The following ACAP1 variants were observed in gnomAD, a reference collection of about 807,000 sequenced individuals.
ACAP1 encodes the protein arf-GAP with coiled-coil, ANK repeat and PH domain-containing protein 1.
In ACAP1, 45 loss-of-function variants were observed where a neutral mutation model predicts 98.8. That is an observed-to-expected ratio of 0.46 (90% CI 0.36 to 0.58). The LOEUF is 0.58. Among genes scored for constraint, ACAP1 ranks in the 20% least tolerant of loss-of-function variants. ACAP1 has a pLI of 0.00. For missense variants in ACAP1, 735 were observed against 971.4 expected (o/e 0.76, Z 3.24); for synonymous variants, 362 against 375.3 (o/e 0.96, Z 0.41).
Position 7,346,920 on chromosome 17 carries a change from G to T in ACAP1, c.1120G>T (p.Gly374Cys). ...GGCTCGCCTTGATGACAGCCCCCGG[G>T]GTCCAGGCCAGGTACCTTAACCTGG... ...SQARLDDSPR[G>C]PGQGSGHLAI... The change falls in exon 13 of 22, where the codon GGT becomes TGT. Residue 374 changes from glycine to cysteine, a missense_variant. Physicochemically the swap from Gly to Cys is radical, Grantham distance 159. Coordinates refer to ENST00000158762, the MANE Select transcript of ACAP1 (RefSeq NM_014716.4). 2 of 1,611,636 alleles carry T rather than the reference G, an allele frequency of 1.2e-6. No homozygotes were observed. The highest frequency in any genetic ancestry group is 2.2e-5 in the South Asian group (2 of 91,014).
chr17:7,338,419 A>G (rs1040112859), intron 2 of ACAP1, among the ~76,000 whole-genome samples: 1 of 150,422 alleles, frequency 6.6e-6, no homozygotes, highest in African/African-American at 2.4e-5. Flanking sequence ...ACACCTGGAT[A>G]ATTTTTTTTC....
intron 18 of ACAP1, 37 bp downstream of exon 18, chr17:7,349,204 GCT>G (rs2073378448): frequency 6.2e-7 from 1 of 1,608,604 alleles, no homozygotes; most frequent in South Asian, 1.1e-5. Flanking sequence ...CCACCCTAGG[GCT>G]CTGACACCTA....
rs566762611 is a variant in ACAP1 at position 7,351,392 on chromosome 17, G to A, written c.2220G>A (p.Leu740=). The A allele has an allele frequency of 6.2e-7, 1 of 1,610,204 alleles. No homozygotes were observed. Among genetic ancestry groups the A allele is most frequent in the Admixed American group, 1.7e-5 (1 of 59,482 alleles). The change falls in exon 22 of 22, where the codon CTG becomes CTA. Residue 740 remains leucine (L), a synonymous_variant. Coordinates refer to ENST00000158762, the MANE Select transcript of ACAP1 (RefSeq NM_014716.4). ...GTCGCAGTCATGACCTCCACACGCT[G>A]TGACCCGAGGCCCACGGGGCCCGCG... ...LSRRSHDLHT[L] is the part of the protein sequence containing the mutation.
chr17:7,337,453 C>A, intron 2 of ACAP1, 84 bp downstream of exon 2: 1 of 1,238,960 alleles, frequency 8.1e-7, no homozygotes, highest in Non-Finnish European at 1.2e-6. Flanking sequence ...ACACAGAATG[C>A]ATCCCAGGGA....
At chr17:7,337,518 G>A in intron 2 of ACAP1, 149 bp downstream of exon 2, 1 of 726,340 alleles carries the variant, frequency 1.4e-6, no homozygotes, top group Non-Finnish European at 2.3e-6. Context: ...AGCAAAAAAG[G>A]TGGTTCTGTA....
At chr17:7,340,707 G>C (rs58420692) in intron 2 of ACAP1, among the ~76,000 whole-genome samples, 4,235 of 152,234 alleles carry the variant, frequency 0.028, 205 homozygotes, top group African/African-American at 0.096. Flanking sequence ...TTAGCTGGGC[G>C]TGGTGGCGGG....
Position 7,343,457 on chromosome 17 carries a change from C to T in ACAP1, c.423C>T (p.Asn141=), listed in dbSNP as rs775820929. 9.9e-6 allele frequency: 16 copies of T among 1,614,002 alleles called. No individual in the cohort carries two copies. The highest frequency in any genetic ancestry group is 2.2e-5 in the East Asian group (1 of 44,886). The stretch of plus-strand genomic sequence containing the variant: ...GCCTGGAGGCTGCCCTGACCCACAA[C>T]GCAGAGGTTCCCAGGCGCCGGGCCC... ...AESLEAALTH[N]AEVPRRRAQE... Residue 141 remains asparagine (N), a synonymous_variant, in exon 6 of 22, where the codon AAC becomes AAT. Coordinates refer to ENST00000158762, the MANE Select transcript of ACAP1 (RefSeq NM_014716.4). The surrounding 1 kb of genome is among the most constrained non-coding windows in gnomAD (Gnocchi z 4.9).
Position 7,344,456 on chromosome 17 carries a change from C to A in ACAP1, c.745-83C>A. ...TATTTCAAAAAGCAGAAAGTAAGGG[C>A]TAGGGCTGTGGGCAGGAGGCAGATG... On this transcript the variant is annotated intron_variant, in intron 9 of 21. Coordinates refer to ENST00000158762, the MANE Select transcript of ACAP1 (RefSeq NM_014716.4). This position sits in a 1 kb window ranked among gnomAD's most constrained non-coding sequence, Gnocchi z 4.9. The A allele has an allele frequency of 1.0e-6, 1 of 984,412 alleles. No homozygotes were observed. Among genetic ancestry groups the A allele is most frequent in the Non-Finnish European group, 1.5e-6 (1 of 647,270 alleles). The allele number at this position is 984,412 out of a possible 1,614,324, so 61.0% of individuals were successfully genotyped here. A position where few individuals can be genotyped will look rare whatever the true frequency, so the allele number is the denominator to read the frequency against.
In ACAP1 at chr17:7,342,481, T is replaced by TG. The variant is rs2073295454; in HGVS notation, c.344+11dup. ...TCCAGACCCTGGTCAAGGAGTGAGA[T>TG]GGGGCCGGGCGCAGTGGCTCATGCC... On this transcript the variant is annotated splice_region_variant and intron_variant, in intron 5 of 21. Coordinates refer to ENST00000158762, the MANE Select transcript of ACAP1 (RefSeq NM_014716.4). 6.2e-7 allele frequency: 1 copy of TG among 1,613,992 alleles called. No homozygotes were observed.
Position 7,343,686 on chromosome 17 carries a change from G to A in ACAP1, c.529-20G>A, listed in dbSNP as rs373572319. The A allele has an allele frequency of 8.2e-5, 133 of 1,612,128 alleles. No homozygotes were observed. The East Asian group carries it at 2.1e-3, about 25-fold the overall frequency. ...TCAAGACTGATCTGGGGTTTTTTAC[G>A]TCCTCTTTTACGTCCTCAGATCAAC... On this transcript the variant is annotated intron_variant, in intron 6 of 21. Transcript: ENST00000158762. The surrounding 1 kb of genome is among the most constrained non-coding windows in gnomAD (Gnocchi z 4.9).
At chr17:7,347,895 C>T (rs200598240) in intron 14 of ACAP1, 27 bp from the exon 15 acceptor site, 1 of 1,608,440 alleles carries the variant, frequency 6.2e-7, no homozygotes, top group East Asian at 2.2e-5. Context: ...CTGCACAGGG[C>T]CTGACCCTCC....
chr17:7,342,488 G>T lies in ACAP1; in HGVS notation c.344+14G>T. ...CCTGGTCAAGGAGTGAGATGGGGCC[G>T]GGCGCAGTGGCTCATGCCTGTAATC... On this transcript the variant is annotated intron_variant, in intron 5 of 21. Coordinates refer to ENST00000158762, the MANE Select transcript of ACAP1 (RefSeq NM_014716.4). 3 of 1,613,790 alleles carry T rather than the reference G, an allele frequency of 1.9e-6. No homozygotes were observed. In the South Asian group the frequency reaches 3.3e-5, roughly 18 times the overall value.
At position 7,348,294 on chromosome 17, in the gene ACAP1, C is replaced by T; in HGVS notation, c.1509-12C>T. The T allele has an allele frequency of 6.3e-7, 1 of 1,592,306 alleles. No individual in the cohort carries two copies. Among genetic ancestry groups the T allele is most frequent in the Middle Eastern group, 1.7e-4 (1 of 5,956 alleles). On this transcript the variant is annotated splice_polypyrimidine_tract_variant and intron_variant, in intron 16 of 21. Coordinates refer to ENST00000158762, the MANE Select transcript of ACAP1 (RefSeq NM_014716.4). ...AGAAGAGGGAAGACTGCGTGCTTCT[C>T]CCCTCCCACAGGCAGGAGAAGGAGG...
intron 2 of ACAP1, among the ~76,000 whole-genome samples, chr17:7,339,608 T>TCGTGC (rs1215809779): frequency 3.3e-5 from 5 of 152,186 alleles, no homozygotes; most frequent in African/African-American, 1.2e-4. Context: ...TGAGCCGAGA[T>TCGTGC]CGTGCCACTG....
In ACAP1 at chr17:7,336,621, G is replaced by A. The variant is rs2073221650; in HGVS notation, c.-114G>A. 3 of 1,125,864 alleles carry A rather than the reference G, an allele frequency of 2.7e-6. No homozygotes were observed. Among genetic ancestry groups the A allele is most frequent in the Non-Finnish European group, 2.7e-6 (2 of 747,266 alleles). 69.7% of individuals were successfully genotyped at this position (1,125,864 alleles called of 1,614,324 possible). A position where few individuals can be genotyped will look rare whatever the true frequency, so the allele number is the denominator to read the frequency against. ...GTGCCCCCAGGCCCTTCCCCGCGGAGGTCCCTCTCCTCCTTCCCCCTCATC... is the reference window on the plus strand; with the variant it reads ...GTGCCCCCAGGCCCTTCCCCGCGGAAGTCCCTCTCCTCCTTCCCCCTCATC... On this transcript the variant is annotated 5_prime_UTR_variant, in exon 1 of 22. Transcript: ENST00000158762.
chr17:7,346,168 G>A, intron 10 of ACAP1, 76 bp from the exon 11 acceptor site: 1 of 1,418,886 alleles, frequency 7.0e-7, no homozygotes, highest in Non-Finnish European at 1.0e-6. Flanking sequence ...AGATCCTCAT[G>A]GGCAAAAAGC....
chr17:7,343,767 G>A lies in ACAP1; in HGVS notation c.573+17G>A, dbSNP rs1332434764. 4 of 1,613,664 alleles carry A rather than the reference G, an allele frequency of 2.5e-6. No homozygotes were observed. The highest frequency in any genetic ancestry group is 3.4e-6 in the Non-Finnish European group (4 of 1,179,840). ...ATGGAGTTTGTGAGTTGTGGCGGGG[G>A]TGAGGGCAGGGTGGAGAAGAGCCTG... On this transcript the variant is annotated intron_variant, in intron 7 of 21. Transcript: ENST00000158762. The surrounding 1 kb of genome is among the most constrained non-coding windows in gnomAD (Gnocchi z 4.9).
chr17:7,342,576 G>C (rs759943031), intron 5 of ACAP1, 102 bp downstream of exon 5: 199 of 1,287,108 alleles, frequency 1.5e-4, no homozygotes, highest in Non-Finnish European at 2.1e-4. Context: ...CACCAACCTA[G>C]CCAACATGGC....
In ACAP1 at chr17:7,343,688, C is replaced by G; in HGVS notation, c.529-18C>G. On this transcript the variant is annotated intron_variant, in intron 6 of 21. Coordinates refer to ENST00000158762, the MANE Select transcript of ACAP1 (RefSeq NM_014716.4). The surrounding 1 kb of genome is among the most constrained non-coding windows in gnomAD (Gnocchi z 4.9). ...AAGACTGATCTGGGGTTTTTTACGT[C>G]CTCTTTTACGTCCTCAGATCAACGT... 1 of 1,612,198 alleles carries G rather than the reference C, an allele frequency of 6.2e-7. No individual in the cohort carries two copies. Among genetic ancestry groups the G allele is most frequent in the Non-Finnish European group, 8.5e-7 (1 of 1,178,930 alleles).
Sources: gnomAD v4.1 joint callset for allele counts (sites outside exome capture counted in the v4.1 genomes callset) on GRCh38, gnomAD v4.1.1 for gene constraint, Gnocchi (gnomAD v3.1) non-coding constraint, MANE v1.5 for transcripts, NCBI Gene and HGNC (gene_info 2026-07-23, HGNC 2026-07-21) for gene names.